IL22RA1: variants seen among roughly 807,000 people sequenced by gnomAD.
IL22RA1 encodes interleukin-22 receptor subunit alpha-1.
A neutral mutation model predicts 32.8 loss-of-function variants in IL22RA1; 25 were observed. The ratio of observed to expected loss-of-function variants is 0.76; its 90% CI spans 0.55 to 1.06. The LOEUF (loss-of-function observed/expected upper bound fraction) is 1.06, where lower values mean the gene tolerates loss of function less well. IL22RA1 is among the 50% of genes least tolerant of loss of function. The pLI, the probability that IL22RA1 is intolerant of heterozygous loss-of-function variation, is 0.00. For missense variants in IL22RA1, 709 were observed against 727.4 expected (o/e 0.97, Z 0.29); for synonymous variants, 305 against 305.0 (o/e 1.00, Z 0.00).
At chr1:24,123,656 C>T (rs1160697360) in intron 5 of IL22RA1, 14 of 971,746 alleles carry the variant, frequency 1.4e-5, no homozygotes, top group Non-Finnish European at 1.7e-5. Flanking sequence ...TTCGAGGTTT[C>T]CACCTTAACA....
intron 4 of IL22RA1, among the ~76,000 whole-genome samples, chr1:24,132,394 C>T (rs1258792754): frequency 5.5e-4 from 82 of 148,736 alleles, no homozygotes; most frequent in Middle Eastern, 3.4e-3. Context: ...TGCAGTGGCG[C>T]GATCTTGGCC....
intron 5 of IL22RA1, 74 bp from the exon 6 acceptor site, chr1:24,123,497 C>G: frequency 1.1e-5 from 17 of 1,562,880 alleles, no homozygotes; most frequent in Non-Finnish European, 1.5e-5. Context: ...TCTGGCCCCA[C>G]ATGTGGATGC....
Position 24,138,605 on chromosome 1 carries a change from C to A in IL22RA1, c.153G>T (p.Thr51=), listed in dbSNP as rs780847323. 4 of 1,614,080 alleles carry A rather than the reference C, an allele frequency of 2.5e-6. No individual in the cohort carries two copies. In the South Asian group the frequency reaches 3.3e-5, roughly 13 times the overall value. ...ACGTCTTATACTCGATGCTGTAGAC[C>A]GTGTCTGGGGTGCCCTCCGGCCCGC... The part of the protein sequence containing the change: ...WDSGPEGTPD[T]VYSIEYKTYG... The change falls in exon 2 of 7, where the codon ACG becomes ACT. Residue 51 remains threonine (T), a synonymous_variant. Coordinates refer to ENST00000270800, the MANE Select transcript of IL22RA1 (RefSeq NM_021258.4).
intron 1 of IL22RA1, 51 bp downstream of exon 1, chr1:24,142,989 G>C (rs767452222): frequency 1.3e-6 from 2 of 1,556,702 alleles, no homozygotes; most frequent in South Asian, 2.3e-5. Flanking sequence ...GACCCTGATC[G>C]TTGGCCCCTG....
At chr1:24,139,432 G>C (rs1156799857) in intron 1 of IL22RA1, among the ~76,000 whole-genome samples, 1 of 152,196 alleles carries the variant, frequency 6.6e-6, no homozygotes, top group African/African-American at 2.4e-5. Flanking sequence ...TATGTTTTCA[G>C]TTGTCTTGGG....
At chr1:24,131,662 AT>A (rs1472762714) in intron 4 of IL22RA1, among the ~76,000 whole-genome samples, 2 of 152,244 alleles carry the variant, frequency 1.3e-5, no homozygotes, top group Admixed American at 6.5e-5. Context: ...ATCCACAATT[AT>A]AGTTGGAGAG....
chr1:24,142,711 C>G (rs900232765), intron 1 of IL22RA1, among the ~76,000 whole-genome samples: 1 of 152,172 alleles, frequency 6.6e-6, no homozygotes, highest in African/African-American at 2.4e-5. Context: ...TTTGAGGGAC[C>G]GAAGGATGTC....
chr1:24,142,969 CT>C, intron 1 of IL22RA1, 70 bp downstream of exon 1: 1 of 1,429,744 alleles, frequency 7.0e-7, no homozygotes, highest in South Asian at 1.2e-5. Context: ...GGGGAGGGTG[CT>C]GGGGAGATGA....
intron 1 of IL22RA1, among the ~76,000 whole-genome samples, chr1:24,140,722 C>T (rs958418148): frequency 5.3e-5 from 8 of 152,216 alleles, no homozygotes; most frequent in African/African-American, 1.9e-4. Flanking sequence ...CTGTGGAGAG[C>T]AAGAGCCTGC....
chr1:24,134,237 G>A lies in IL22RA1; in HGVS notation c.505C>T (p.Leu169Phe). 1.2e-6 allele frequency: 2 copies of A among 1,611,892 alleles called. No homozygotes were observed. The highest frequency in any genetic ancestry group is 1.7e-6 in the Non-Finnish European group (2 of 1,178,946). ...ATTTGGTAGGTGCGGTTGACCTGGAGCTCTAAGTGGTAGAACAGGTCATGG... is the reference window on the plus strand; with the variant it reads ...ATTTGGTAGGTGCGGTTGACCTGGAACTCTAAGTGGTAGAACAGGTCATGG... ...IFHDLFYHLE[L>F]QVNRTYQMHL... The change falls in exon 4 of 7, where the codon CTC becomes TTC. Residue 169 changes from leucine to phenylalanine, a missense_variant. Leu to Phe is a conservative substitution (Grantham distance 22). Transcript: ENST00000270800.
intron 3 of IL22RA1, among the ~76,000 whole-genome samples, chr1:24,136,398 G>A (rs181914723): frequency 5.9e-5 from 9 of 152,328 alleles, no homozygotes; most frequent in East Asian, 1.9e-4. Flanking sequence ...TAATTGCAGC[G>A]TGTGATCTGA....
intron 4 of IL22RA1, among the ~76,000 whole-genome samples, chr1:24,128,898 A>G (rs1384575303): frequency 6.6e-6 from 1 of 152,148 alleles, no homozygotes; most frequent in Admixed American, 6.5e-5. Flanking sequence ...GGCCTCACCC[A>G]TATTTACAGA....
At chr1:24,138,163 C>T (rs766354353) in intron 2 of IL22RA1, among the ~76,000 whole-genome samples, 2 of 152,106 alleles carry the variant, frequency 1.3e-5, no homozygotes, top group Non-Finnish European at 2.9e-5. Flanking sequence ...GGTGCATCTT[C>T]GGTTGACCTA....
At chr1:24,135,298 G>A (rs1644234426) in intron 3 of IL22RA1, among the ~76,000 whole-genome samples, 2 of 152,060 alleles carry the variant, frequency 1.3e-5, no homozygotes, top group Non-Finnish European at 2.9e-5. Flanking sequence ...AAGTAGATAC[G>A]GCTGCTAGTA....
rs139041908 is a variant in IL22RA1, at chr1:24,128,577, C to T, written c.532-298G>A. Among the ~76,000 whole-genome samples the T allele has an allele frequency of 1.2e-3, 189 of 151,738 alleles. 2 individuals carry two copies. The highest frequency in any genetic ancestry group is 4.2e-3 in the African/African-American group (175 of 41,402). ...ATGTGTGGTTATACACACATAATGG[C>T]AGCTGTCATTATGACCTCCACCACC... On this transcript the variant is annotated intron_variant, in intron 4 of 6. Coordinates refer to ENST00000270800, the MANE Select transcript of IL22RA1 (RefSeq NM_021258.4).
At position 24,121,573 on chromosome 1, in the gene IL22RA1, A is replaced by G. The variant is rs2148568954; in HGVS notation, c.957T>C (p.His319=). 6.2e-7 allele frequency: 1 copy of G among 1,611,950 alleles called. No homozygotes were observed. The highest frequency in any genetic ancestry group is 8.5e-7 in the Non-Finnish European group (1 of 1,178,572). Residue 319 remains histidine (H), a synonymous_variant, in exon 7 of 7, where the codon CAT becomes CAC. Transcript: ENST00000270800. The part of the protein sequence containing the change: ...PREPAGAPQR[H]SLSEITYLGQ... ...CTAAGTAGGTGATCTCGGACAGGCT[A>G]TGCCGCTGTGGAGCTCCTGCGGGCT... is the stretch of plus-strand genomic sequence containing the variant.
At chr1:24,132,583 C>G (rs569452725) in intron 4 of IL22RA1, among the ~76,000 whole-genome samples, 1 of 152,028 alleles carries the variant, frequency 6.6e-6, no homozygotes, top group South Asian at 2.1e-4. Context: ...CCGCCCGCCT[C>G]GGCCTCCCAA....
intron 1 of IL22RA1, among the ~76,000 whole-genome samples, chr1:24,140,859 G>A (rs557000705): frequency 7.2e-5 from 11 of 152,382 alleles, no homozygotes; most frequent in African/African-American, 2.6e-4. Context: ...CGGCCTGGGT[G>A]TGTGTCTTGA....
rs142566825 is a variant in IL22RA1 at position 24,137,219 on chromosome 1, C to G, written c.267G>C (p.Thr89=). Residue 89 remains threonine (T), a synonymous_variant, in exon 3 of 7, where the codon ACG becomes ACC. Coordinates refer to ENST00000270800, the MANE Select transcript of IL22RA1 (RefSeq NM_021258.4). ...CNLTVETGNL[T]ELYYARVTAV... is the part of the protein sequence containing the mutation. Reference sequence around the variant, plus strand: ...CGGTGACCCTGGCATAGTAGAGCTCCGTGAGGTTGCCCGTCTCCACCGTCA... The same window carrying G: ...CGGTGACCCTGGCATAGTAGAGCTCGGTGAGGTTGCCCGTCTCCACCGTCA... 6.2e-7 allele frequency: 1 copy of G among 1,614,012 alleles called. No homozygotes were observed. Among genetic ancestry groups the G allele is most frequent in the Non-Finnish European group, 8.5e-7 (1 of 1,180,042 alleles).
Sources: allele counts gnomAD v4.1 joint callset (sites outside exome capture counted in the v4.1 genomes callset), GRCh38; gene constraint gnomAD v4.1.1; transcripts MANE v1.5; gene names NCBI Gene and HGNC (gene_info 2026-07-23, HGNC 2026-07-21).